CDCP1: variants seen among roughly 807,000 people sequenced by gnomAD.
CDCP1 encodes CUB domain-containing protein 1.
Under a neutral mutation model 60.2 loss-of-function variants are expected in CDCP1, and 29 were observed. The ratio of observed to expected loss-of-function variants is 0.48; its 90% CI spans 0.36 to 0.66. The LOEUF is 0.66. CDCP1 is among the 30% of genes least tolerant of loss of function. The probability of loss-of-function intolerance (pLI) is 0.00; values close to 1 mark genes in which losing one functional copy is unlikely to be tolerated. For synonymous variants in CDCP1, 387 were observed against 431.1 expected, an observed-to-expected ratio of 0.90 and a Z score of 1.27; for missense variants, 876 against 1,074.3, an observed-to-expected ratio of 0.82 and a Z score of 2.58.
chr3:45,088,415 G>C (rs1366376161), intron 8 of CDCP1, among the ~76,000 whole-genome samples: 1 of 152,182 alleles, frequency 6.6e-6, no homozygotes, highest in Non-Finnish European at 1.5e-5. Context: ...CAACCCAGGA[G>C]GCGGAGGCTG....
intron 1 of CDCP1, among the ~76,000 whole-genome samples, chr3:45,139,088 C>G (rs1054095516): frequency 1.3e-5 from 2 of 152,046 alleles, no homozygotes; most frequent in African/African-American, 4.8e-5. Flanking sequence ...AGGGAACTAA[C>G]AGAGTTAAGA....
chr3:45,102,860 TG>T (rs1698502653), intron 4 of CDCP1, among the ~76,000 whole-genome samples: 1 of 152,018 alleles, frequency 6.6e-6, no homozygotes, highest in African/African-American at 2.4e-5. Flanking sequence ...GGTTTTGCCA[TG>T]TTGCCCAGGC....
intron 4 of CDCP1, among the ~76,000 whole-genome samples, chr3:45,109,536 T>C (rs1218942469): frequency 6.6e-6 from 1 of 152,116 alleles, no homozygotes; most frequent in African/African-American, 2.4e-5. Flanking sequence ...TGGAGACCAC[T>C]TGCCACAACT....
At chr3:45,124,964 AAT>A (rs1158178443) in intron 1 of CDCP1, among the ~76,000 whole-genome samples, 3 of 152,124 alleles carry the variant, frequency 2.0e-5, no homozygotes, top group African/African-American at 7.2e-5. Flanking sequence ...ATTAGACCCA[AAT>A]AGTAATTTTA....
Position 45,118,670 on chromosome 3 carries a change from A to G in CDCP1, c.83-49T>C, listed in dbSNP as rs761543481. The G allele has an allele frequency of 7.0e-5, 105 of 1,500,982 alleles. 1 individual carries two copies. In the Admixed American group the frequency reaches 1.8e-3, roughly 25 times the overall value. The allele number at this position is 1,500,982 out of a possible 1,614,324, so 93.0% of individuals were successfully genotyped here. ...GTAAGCAGGATGATTTAGGTCTGCAAACTGCTGTGGTCCCCGACCCCAATC... is the reference window on the plus strand; with the variant it reads ...GTAAGCAGGATGATTTAGGTCTGCAGACTGCTGTGGTCCCCGACCCCAATC... On this transcript the variant is annotated intron_variant, in intron 1 of 8. Coordinates refer to ENST00000296129, the MANE Select transcript of CDCP1 (RefSeq NM_022842.5).
At chr3:45,134,340 G>T (rs1320484368) in intron 1 of CDCP1, among the ~76,000 whole-genome samples, 1 of 152,158 alleles carries the variant, frequency 6.6e-6, no homozygotes, top group Non-Finnish European at 1.5e-5. Flanking sequence ...TAGCCAGGAT[G>T]GTCTCGATCT....
rs1465348584 is a variant in CDCP1, at chr3:45,091,715, T to C, written c.1628-177A>G. 6.6e-6 allele frequency among the ~76,000 whole-genome samples: 1 copy of C among 152,266 alleles called. No homozygotes were observed. Among genetic ancestry groups the C allele is most frequent in the Non-Finnish European group, 1.5e-5 (1 of 68,042 alleles). The stretch of plus-strand genomic sequence containing the variant: ...TCTGATAGGGTAGCCACCAGCTATA[T>C]GTCTGCTGAGCCTTGAAATGTGCCC... On this transcript the variant is annotated intron_variant, in intron 6 of 8. Transcript: ENST00000296129. This position sits in a 1 kb window ranked among gnomAD's most constrained non-coding sequence, Gnocchi z 4.8.
rs570047209 is a variant in CDCP1, at chr3:45,124,560, C to T, written c.83-5939G>A. Among the ~76,000 whole-genome samples, 18 of 152,246 alleles carry T rather than the reference C, an allele frequency of 1.2e-4. No homozygotes were observed. The South Asian group carries it at 1.5e-3, about 12-fold the overall frequency. The stretch of plus-strand genomic sequence containing the variant: ...CAAGAAGTTTGTGGCTGCTCAGTCA[C>T]GGCTTGCATGTGAGTCAGGTTCCAC... On this transcript the variant is annotated intron_variant, in intron 1 of 8. Transcript: ENST00000296129.
In CDCP1 at chr3:45,093,473, G is replaced by A; in HGVS notation, c.1431C>T (p.Asn477=). The A allele has an allele frequency of 6.2e-7, 1 of 1,614,108 alleles. No homozygotes were observed. The highest frequency in any genetic ancestry group is 8.5e-7 in the Non-Finnish European group (1 of 1,179,938). ...TGGCCACGAGGTAGCTGAAGCTGGT[G>A]TTGCAGGGCTTCTCGTGTGTATGCT... The part of the protein sequence containing the change: ...LQQHTHEKPC[N]TSFSYLVASA... Residue 477 remains asparagine, a synonymous_variant, in exon 6 of 9, where the codon AAC becomes AAT. Transcript: ENST00000296129.
chr3:45,087,184 T>A (rs1698209452), intron 8 of CDCP1, among the ~76,000 whole-genome samples: 1 of 152,208 alleles, frequency 6.6e-6, no homozygotes. Context: ...AGTACCTCAA[T>A]GAATCCTAGT....
chr3:45,101,032 T>C (rs1210158700), intron 4 of CDCP1, among the ~76,000 whole-genome samples: 1 of 152,228 alleles, frequency 6.6e-6, no homozygotes. Context: ...AGCTCTGGCT[T>C]ATGTCTTCTG....
At chr3:45,108,953 A>ATATATATATATATATATATATATTT (rs1401302861) in intron 4 of CDCP1, among the ~76,000 whole-genome samples, 1 of 41,134 alleles carries the variant, frequency 2.4e-5, no homozygotes, top group African/African-American at 9.7e-5. Context: ...ATATATATAT[A>ATATATATATATATATATATATATTT]TTTTTTTTTT....
intron 2 of CDCP1, among the ~76,000 whole-genome samples, chr3:45,114,122 C>T (rs112097437): frequency 0.026 from 3,980 of 152,298 alleles, 68 homozygotes; most frequent in Middle Eastern, 0.044. Flanking sequence ...AATCTGGAGT[C>T]AAAAAGCCCC....
rs1406133995 is a variant in CDCP1 at position 45,084,347 on chromosome 3, C to T, written c.*1291G>A. The T allele has an allele frequency of 6.6e-6, 1 of 152,140 alleles. No individual in the cohort carries two copies. The highest frequency in any genetic ancestry group is 1.5e-5 in the Non-Finnish European group (1 of 68,056). 9.4% of individuals were successfully genotyped at this position (152,140 alleles called of 1,614,324 possible). On this transcript the variant is annotated 3_prime_UTR_variant, in exon 9 of 9. Transcript: ENST00000296129. ...GGTGTGGTAGGCAGAATAACAGCAC[C>T]CCAAAGATGTTCTGGTCCTAATCCC...
chr3:45,135,338 GGA>G (rs1275177639), intron 1 of CDCP1, among the ~76,000 whole-genome samples: 2 of 152,050 alleles, frequency 1.3e-5, no homozygotes, highest in African/African-American at 4.8e-5. Context: ...TTCCTGAAAG[GGA>G]GAGAGATTGT....
chr3:45,086,527 T>C (rs1427229398), intron 8 of CDCP1, among the ~76,000 whole-genome samples: 1 of 152,182 alleles, frequency 6.6e-6, no homozygotes, highest in African/African-American at 2.4e-5. Context: ...CTCTTTTGCC[T>C]GGGAAAAGCT....
intron 4 of CDCP1, among the ~76,000 whole-genome samples, chr3:45,095,834 G>T (rs942978902): frequency 6.6e-6 from 1 of 152,126 alleles, no homozygotes; most frequent in African/African-American, 2.4e-5. Context: ...GTGAAAAAAA[G>T]ATTAAAATAT....
chr3:45,101,754 C>T (rs573648925), intron 4 of CDCP1, among the ~76,000 whole-genome samples: 13 of 151,994 alleles, frequency 8.6e-5, no homozygotes, highest in South Asian at 4.2e-4. Flanking sequence ...GGCATGGTGG[C>T]GCATGCCTGT....
chr3:45,099,447 T>C (rs1014201219), intron 4 of CDCP1, among the ~76,000 whole-genome samples: 1 of 152,218 alleles, frequency 6.6e-6, no homozygotes, highest in Non-Finnish European at 1.5e-5. Flanking sequence ...GTGTCCCTGA[T>C]ATTCTGAAAT....
Sources: gnomAD v4.1 joint callset for allele counts (sites outside exome capture counted in the v4.1 genomes callset) on GRCh38, gnomAD v4.1.1 for gene constraint, Gnocchi (gnomAD v3.1) non-coding constraint, MANE v1.5 for transcripts, NCBI Gene and HGNC (gene_info 2026-07-23, HGNC 2026-07-21) for gene names.